Variants in SPOCK3 observed in about 807,000 individuals in gnomAD.
SPOCK3 encodes SPARC (osteonectin), cwcv and kazal like domains proteoglycan 3.
A neutral mutation model predicts 56.6 loss-of-function variants in SPOCK3; 30 were observed. The observed-to-expected ratio is 0.53, with a 90% confidence interval of 0.40 to 0.72. The LOEUF is 0.72. Ranked by LOEUF, SPOCK3 falls within the 30% of genes least tolerant of loss-of-function variation. SPOCK3 has a pLI of 0.00. For synonymous variants in SPOCK3, 196 were observed against 183.3 expected (o/e 1.07, Z -0.56); for missense variants, 527 against 530.0 (o/e 0.99, Z 0.06).
intron 5 of SPOCK3, among the ~76,000 whole-genome samples, chr4:166,900,392 C>T (rs1735906469): frequency 1.3e-5 from 2 of 152,120 alleles, no homozygotes; most frequent in Admixed American, 6.5e-5. Flanking sequence ...TCTCTGCCTC[C>T]CTCACCTCCA....
At chr4:167,127,397 A>G (rs1177756065) in intron 2 of SPOCK3, among the ~76,000 whole-genome samples, 2 of 152,050 alleles carry the variant, frequency 1.3e-5, no homozygotes, top group Admixed American at 6.6e-5. Flanking sequence ...AAGCCACCTA[A>G]AAGGTTGTTG....
At position 167,171,869 on chromosome 4, in the gene SPOCK3, T is replaced by A. The variant is rs565774351; in HGVS notation, c.189+62116A>T. 3.4e-4 allele frequency among the ~76,000 whole-genome samples: 51 copies of A among 148,178 alleles called. 1 individual carries two copies. The highest frequency in any genetic ancestry group is 9.9e-4 in the East Asian group (5 of 5,060). ...TAAATAGAAAGATAAAAAGTAAATTTAAAAAAAAAGAAAAGAAAAAGAAGA... is the reference window on the plus strand; with the variant it reads ...TAAATAGAAAGATAAAAAGTAAATTAAAAAAAAAAGAAAAGAAAAAGAAGA... On this transcript the variant is annotated intron_variant, in intron 2 of 10. Transcript: ENST00000357545.
chr4:166,867,958 C>G (rs1048654092), intron 6 of SPOCK3, among the ~76,000 whole-genome samples: 3 of 151,706 alleles, frequency 2.0e-5, no homozygotes, highest in African/African-American at 7.3e-5. Context: ...TATGGTACAT[C>G]TACCATTTGA....
intron 4 of SPOCK3, among the ~76,000 whole-genome samples, chr4:166,964,609 T>C (rs1269958310): frequency 6.6e-6 from 1 of 151,602 alleles, no homozygotes. Context: ...TAAATATACG[T>C]ATGTAAATAT....
chr4:167,026,810 G>C (rs1484952864), intron 3 of SPOCK3, among the ~76,000 whole-genome samples: 1 of 148,876 alleles, frequency 6.7e-6, no homozygotes, highest in Non-Finnish European at 1.5e-5. Flanking sequence ...AGTAAGTTCT[G>C]GCATTTGAAG....
intron 6 of SPOCK3, chr4:166,882,749 A>T (rs1733806774): frequency 6.6e-6 from 1 of 152,210 alleles, no homozygotes; most frequent in Admixed American, 6.5e-5. Context: ...TAAAATATGA[A>T]ATTCATTATT....
At chr4:167,105,482 G>GA (rs1444251243) in intron 2 of SPOCK3, among the ~76,000 whole-genome samples, 1 of 70,896 alleles carries the variant, frequency 1.4e-5, no homozygotes, top group Non-Finnish European at 3.0e-5. Flanking sequence ...AAAAAAAAAC[G>GA]AATCATACCA....
At chr4:166,736,611 C>G (rs1007683695) in intron 10 of SPOCK3, among the ~76,000 whole-genome samples, 1 of 151,880 alleles carries the variant, frequency 6.6e-6, no homozygotes, top group Non-Finnish European at 1.5e-5. Flanking sequence ...AAGAATACAT[C>G]TAAATATTTT....
intron 7 of SPOCK3, among the ~76,000 whole-genome samples, chr4:166,777,028 G>C (rs1284529130): frequency 6.6e-6 from 1 of 152,146 alleles, no homozygotes; most frequent in African/African-American, 2.4e-5. Flanking sequence ...ATTATTAAAT[G>C]CCAGGATTCT....
chr4:166,833,888 G>A (rs1343309647), intron 6 of SPOCK3, among the ~76,000 whole-genome samples: 2 of 152,140 alleles, frequency 1.3e-5, no homozygotes, highest in African/African-American at 4.8e-5. Flanking sequence ...AGGAAAAGTG[G>A]TTCTTCTGCT....
intron 3 of SPOCK3, among the ~76,000 whole-genome samples, chr4:167,032,264 A>T (rs1317713068): frequency 6.6e-6 from 1 of 151,980 alleles, no homozygotes. Context: ...CAGTATAAAG[A>T]TGCTCAGTTA....
intron 6 of SPOCK3, among the ~76,000 whole-genome samples, chr4:166,826,887 G>T (rs572328966): frequency 2.6e-5 from 4 of 152,150 alleles, no homozygotes; most frequent in African/African-American, 9.6e-5. Context: ...CAGAGAATCA[G>T]ATTGTCCAGT....
chr4:167,011,986 A>G (rs771973776), intron 3 of SPOCK3, among the ~76,000 whole-genome samples: 1 of 151,908 alleles, frequency 6.6e-6, no homozygotes, highest in Non-Finnish European at 1.5e-5. Context: ...TCTACTCTCC[A>G]TTCATTCTTT....
intron 2 of SPOCK3, among the ~76,000 whole-genome samples, chr4:167,087,553 CT>C (rs751551107): frequency 2.6e-5 from 4 of 152,126 alleles, no homozygotes; most frequent in Non-Finnish European, 5.9e-5. Flanking sequence ...CTCCTAGGTG[CT>C]TAAACAATTC....
At chr4:166,746,767 A>G (rs1735666870) in intron 8 of SPOCK3, among the ~76,000 whole-genome samples, 1 of 152,184 alleles carries the variant, frequency 6.6e-6, no homozygotes, top group Non-Finnish European at 1.5e-5. Flanking sequence ...AGAGAGAAGA[A>G]TCAAATAGAT....
At chr4:166,840,172 C>T (rs1009290863) in intron 6 of SPOCK3, among the ~76,000 whole-genome samples, 10 of 152,144 alleles carry the variant, frequency 6.6e-5, no homozygotes, top group African/African-American at 2.4e-4. Flanking sequence ...CTAAGTTCTC[C>T]GTATGATTTG....
intron 4 of SPOCK3, among the ~76,000 whole-genome samples, chr4:166,950,178 A>T (rs1474250807): frequency 6.6e-6 from 1 of 151,782 alleles, no homozygotes; most frequent in African/African-American, 2.4e-5. Flanking sequence ...AGTGTGCTGT[A>T]TTCAGGAAAC....
At chr4:166,947,286 T>G (rs1037337318) in intron 4 of SPOCK3, among the ~76,000 whole-genome samples, 1 of 152,172 alleles carries the variant, frequency 6.6e-6, no homozygotes, top group African/African-American at 2.4e-5. Flanking sequence ...TATATATTTA[T>G]AGTTTAACAT....
At chr4:166,883,826 T>C (rs984100970) in intron 6 of SPOCK3, among the ~76,000 whole-genome samples, 2 of 152,176 alleles carry the variant, frequency 1.3e-5, no homozygotes, top group African/African-American at 4.8e-5. Flanking sequence ...AATCAAGTAC[T>C]AAAGAATTTA....
Sources: gnomAD v4.1 joint callset for allele counts (sites outside exome capture counted in the v4.1 genomes callset) on GRCh38, gnomAD v4.1.1 for gene constraint, MANE v1.5 for transcripts, NCBI Gene and HGNC (gene_info 2026-07-23, HGNC 2026-07-21) for gene names.